SRPK2: variants seen among roughly 807,000 people sequenced by gnomAD.
SRPK2 encodes SFRS protein kinase 2.
A neutral mutation model predicts 90.8 loss-of-function variants in SRPK2; 21 were observed. That is an observed-to-expected ratio of 0.23 (90% confidence interval 0.16 to 0.33). The LOEUF (loss-of-function observed/expected upper bound fraction) is 0.33, where lower values mean the gene tolerates loss of function less well. Ranked by LOEUF, SRPK2 falls within the 10% of genes least tolerant of loss-of-function variation. The pLI is 1.00. For missense variants in SRPK2, 620 were observed against 869.0 expected (o/e 0.71, Z 3.60); for synonymous variants, 288 against 311.1 (o/e 0.93, Z 0.78).
intron 9 of SRPK2, chr7:105,143,917 C>G (rs530141092): frequency 6.6e-6 from 1 of 152,626 alleles, no homozygotes; most frequent in East Asian, 1.9e-4. Context: ...TCCAACCTTT[C>G]AATCAATCAG....
intron 9 of SRPK2, among the ~76,000 whole-genome samples, chr7:105,144,983 G>A (rs1804355576): frequency 6.6e-6 from 1 of 151,884 alleles, no homozygotes; most frequent in South Asian, 2.1e-4. Context: ...GCAGGTGCCT[G>A]TAATCCCAGC....
chr7:105,384,103 T>C (rs758831164), intron 2 of SRPK2, among the ~76,000 whole-genome samples: 46 of 152,198 alleles, frequency 3.0e-4, no homozygotes, highest in Non-Finnish European at 8.8e-5. Flanking sequence ...GTAAATTTTA[T>C]GGTATGTGAA....
chr7:105,184,746 G>A (rs1793353891), intron 3 of SRPK2, among the ~76,000 whole-genome samples: 2 of 152,174 alleles, frequency 1.3e-5, no homozygotes, highest in African/African-American at 2.4e-5. Context: ...TATGTTAAAT[G>A]TACTTCTCTA....
At chr7:105,197,582 A>G (rs1223143089) in intron 3 of SRPK2, among the ~76,000 whole-genome samples, 2 of 152,208 alleles carry the variant, frequency 1.3e-5, no homozygotes, top group Non-Finnish European at 2.9e-5. Flanking sequence ...GTACTGCATT[A>G]TGGATGGTTC....
intron 3 of SRPK2, among the ~76,000 whole-genome samples, chr7:105,170,975 A>AAG (rs1167038075): frequency 3.6e-5 from 2 of 56,274 alleles, no homozygotes; most frequent in Non-Finnish European, 7.9e-5. Context: ...AAGAGAAAGA[A>AAG]AGAGAAAGAA....
intron 2 of SRPK2, among the ~76,000 whole-genome samples, chr7:105,230,844 AG>A (rs1163866578): frequency 6.6e-6 from 1 of 152,244 alleles, no homozygotes; most frequent in African/African-American, 2.4e-5. Flanking sequence ...GTTAAAAAAA[AG>A]TATACAACTA....
chr7:105,250,901 G>A (rs1802396911), intron 2 of SRPK2, among the ~76,000 whole-genome samples: 1 of 152,122 alleles, frequency 6.6e-6, no homozygotes, highest in African/African-American at 2.4e-5. Flanking sequence ...GGAGGCAAGG[G>A]ATAATAACTT....
Position 105,176,684 on chromosome 7 carries a change from T to C in SRPK2, c.230-7419A>G, listed in dbSNP as rs541267298. On this transcript the variant is annotated intron_variant, in intron 3 of 15. Transcript: ENST00000393651. Reference sequence around the variant, plus strand: ...ACATATATATAGATGTATGCATGTGTGTGTGTACATATATATGTATGTGTA... The same window carrying C: ...ACATATATATAGATGTATGCATGTGCGTGTGTACATATATATGTATGTGTA... 4.2e-4 allele frequency among the ~76,000 whole-genome samples: 52 copies of C among 123,200 alleles called. 1 individual carries two copies. In the South Asian group the frequency reaches 0.011, roughly 25 times the overall value. The allele number at this position is 123,200 out of a possible 152,430, so 80.8% of individuals were successfully genotyped here. A position where few individuals can be genotyped will look rare whatever the true frequency, so the allele number is the denominator to read the frequency against.
intron 2 of SRPK2, among the ~76,000 whole-genome samples, chr7:105,369,149 ATTATTAT>A (rs1819427031): frequency 6.7e-6 from 1 of 148,940 alleles, no homozygotes; most frequent in African/African-American, 2.5e-5. Context: ...TATTATTATT[ATTATTAT>A]TATTATTCGA....
At chr7:105,210,086 G>C (rs1796672593) in intron 2 of SRPK2, among the ~76,000 whole-genome samples, 1 of 152,188 alleles carries the variant, frequency 6.6e-6, no homozygotes, top group South Asian at 2.1e-4. Context: ...ATGGCAACCA[G>C]ATGAGAGTTC....
intron 3 of SRPK2, 57 bp from the exon 4 acceptor site, chr7:105,169,322 C>T: frequency 7.8e-7 from 1 of 1,289,126 alleles, no homozygotes; most frequent in Non-Finnish European, 1.1e-6. Flanking sequence ...TAGTAATAAA[C>T]ATTTCATCTC....
At chr7:105,373,089 CA>C (rs796991885) in intron 2 of SRPK2, among the ~76,000 whole-genome samples, 195 of 151,726 alleles carry the variant, frequency 1.3e-3, no homozygotes, top group African/African-American at 4.6e-3. Flanking sequence ...AACTCCATCT[CA>C]AAAAAAATCT....
intron 15 of SRPK2, among the ~76,000 whole-genome samples, chr7:105,119,304 G>A (rs532883468): frequency 8.6e-5 from 13 of 152,032 alleles, no homozygotes; most frequent in East Asian, 1.9e-4. Context: ...CCATTTATTC[G>A]AGTCAACTTG....
chr7:105,277,061 G>C (rs7782673), intron 2 of SRPK2, among the ~76,000 whole-genome samples: 65,541 of 150,774 alleles, frequency 0.43, 15,598 homozygotes, highest in Non-Finnish European at 0.53. Context: ...AGCCCTTCTT[G>C]GTGTCTCCAA....
At chr7:105,262,052 G>A (rs1804367510) in intron 2 of SRPK2, among the ~76,000 whole-genome samples, 1 of 152,108 alleles carries the variant, frequency 6.6e-6, no homozygotes, top group Non-Finnish European at 1.5e-5. Context: ...ACAGCTGAAA[G>A]GTTTTAAACG....
At chr7:105,378,563 G>A in intron 2 of SRPK2, among the ~76,000 whole-genome samples, 1 of 152,184 alleles carries the variant, frequency 6.6e-6, no homozygotes, top group East Asian at 1.9e-4. Context: ...AAGAGATCAA[G>A]ACCATCCTGG....
chr7:105,368,142 C>A (rs1191218711), intron 2 of SRPK2, among the ~76,000 whole-genome samples: 1 of 151,992 alleles, frequency 6.6e-6, no homozygotes, highest in Admixed American at 6.6e-5. Flanking sequence ...GTGTTAGTTA[C>A]TATAAAGAAT....
intron 11 of SRPK2, among the ~76,000 whole-genome samples, chr7:105,138,455 A>T (rs1803218722): frequency 1.3e-5 from 2 of 152,220 alleles, no homozygotes; most frequent in South Asian, 4.1e-4. Context: ...AGGAAAATTT[A>T]AAAAGAAAAT....
chr7:105,312,282 A>G (rs1811790669), intron 2 of SRPK2, among the ~76,000 whole-genome samples: 1 of 152,114 alleles, frequency 6.6e-6, no homozygotes, highest in African/African-American at 2.4e-5. Context: ...TCTACTAAAA[A>G]TACAAAAATT....
Sources: gnomAD v4.1 joint callset for allele counts (sites outside exome capture counted in the v4.1 genomes callset) on GRCh38, gnomAD v4.1.1 for gene constraint, MANE v1.5 for transcripts, NCBI Gene and HGNC (gene_info 2026-07-23, HGNC 2026-07-21) for gene names.